The following TACC1 variants were observed in gnomAD, a reference collection of about 807,000 sequenced individuals.
The protein encoded by TACC1 is transforming acidic coiled-coil containing protein 1, also known as transforming acidic coiled-coil-containing protein 1.
TACC1 carries 48 observed loss-of-function variants against 84.4 expected under a neutral mutation model. The ratio of observed to expected loss-of-function variants is 0.57; its 90% confidence interval spans 0.45 to 0.72. The LOEUF is 0.72. TACC1 is among the 30% of genes least tolerant of loss of function. The probability of loss-of-function intolerance (pLI) is 0.00; values close to 1 mark genes in which losing one functional copy is unlikely to be tolerated. For missense variants in TACC1, 920 were observed against 973.0 expected, an observed-to-expected ratio of 0.95 and a Z score of 0.72; for synonymous variants, 372 against 376.3, an observed-to-expected ratio of 0.99 and a Z score of 0.13.
chr8:38,736,453 A>G (rs532101652), intron 1 of TACC1, among the ~76,000 whole-genome samples: 1 of 147,796 alleles, frequency 6.8e-6, no homozygotes, highest in African/African-American at 2.7e-5. Flanking sequence ...CTGTCTCTAC[A>G]AAAAATAAAA....
intron 3 of TACC1, among the ~76,000 whole-genome samples, chr8:38,762,553 T>A (rs1369795866): frequency 1.3e-5 from 2 of 148,632 alleles, no homozygotes; most frequent in Non-Finnish European, 3.0e-5. Context: ...ACCTTTTGGC[T>A]TTTTTTTTTG....
intron 1 of TACC1, among the ~76,000 whole-genome samples, chr8:38,735,656 A>G (rs764772327): frequency 3.9e-5 from 6 of 152,148 alleles, no homozygotes; most frequent in Non-Finnish European, 8.8e-5. Flanking sequence ...CAGTGACAGC[A>G]TCTCCTACAG....
rs1831255811 is a variant in TACC1 at position 38,841,449 on chromosome 8, G to A, written c.1961-838G>A. Among the ~76,000 whole-genome samples the A allele has an allele frequency of 2.0e-5, 3 of 152,206 alleles. 1 individual carries two copies. In the South Asian group the frequency reaches 6.2e-4, roughly 31 times the overall value. ...TTATAGAATGAATCAAGAAGGCAGA[G>A]TATTGCTTTGTTCACTGTCAGCTGA... On this transcript the variant is annotated intron_variant, in intron 9 of 12. Transcript: ENST00000317827.
intron 3 of TACC1, among the ~76,000 whole-genome samples, chr8:38,757,618 C>A (rs1376496941): frequency 6.6e-6 from 1 of 151,946 alleles, no homozygotes; most frequent in African/African-American, 2.4e-5. Context: ...AGGACCCCAC[C>A]GCGACCGGAT....
chr8:38,818,728 T>A (rs1357689766), intron 2 of TACC1, among the ~76,000 whole-genome samples: 4 of 152,172 alleles, frequency 2.6e-5, no homozygotes, highest in Admixed American at 1.3e-4. Context: ...GTAGATTTTT[T>A]AAATTTATTT....
At chr8:38,767,787 G>A (rs1028294900) in intron 3 of TACC1, among the ~76,000 whole-genome samples, 10 of 152,236 alleles carry the variant, frequency 6.6e-5, no homozygotes, top group Admixed American at 2.0e-4. Flanking sequence ...ATTAGGGGCC[G>A]GGCACAGTGG....
At chr8:38,824,143 A>T in intron 3 of TACC1, 1 of 813,248 alleles carries the variant, frequency 1.2e-6, no homozygotes. Flanking sequence ...TCTTCTGATG[A>T]TTTTTTTGCA....
intron 6 of TACC1, among the ~76,000 whole-genome samples, chr8:38,833,684 CAAAT>C (rs1483770453): frequency 1.6e-4 from 25 of 152,190 alleles, no homozygotes; most frequent in Admixed American, 1.6e-3. Flanking sequence ...ACCCTCTCAA[CAAAT>C]GAATGAGATG....
intron 1 of TACC1, among the ~76,000 whole-genome samples, chr8:38,736,787 AG>A (rs1402021702): frequency 1.3e-5 from 2 of 152,194 alleles, no homozygotes; most frequent in Non-Finnish European, 2.9e-5. Flanking sequence ...TGACAAAAGT[AG>A]TGACCAGTCT....
At chr8:38,831,595 A>G (rs1438323467) in intron 6 of TACC1, among the ~76,000 whole-genome samples, 1 of 152,140 alleles carries the variant, frequency 6.6e-6, no homozygotes, top group Non-Finnish European at 1.5e-5. Flanking sequence ...TCCTGGGCTC[A>G]AGTGATCCTT....
At chr8:38,797,513 C>T (rs941774633) in intron 2 of TACC1, among the ~76,000 whole-genome samples, 4 of 152,174 alleles carry the variant, frequency 2.6e-5, no homozygotes, top group Admixed American at 6.5e-5. Flanking sequence ...ATTATATAGC[C>T]GCCTATTGGC....
At chr8:38,825,176 G>A (rs139341789) in intron 3 of TACC1, 132 bp from the exon 4 acceptor site, 12 of 901,308 alleles carry the variant, frequency 1.3e-5, no homozygotes, top group East Asian at 4.9e-5. Context: ...TCTCTCCTGC[G>A]GCGATGTATG....
chr8:38,839,638 G>A (rs1830842635), intron 8 of TACC1: 1 of 242,974 alleles, frequency 4.1e-6, no homozygotes, highest in South Asian at 1.8e-4. Context: ...GGGAGGACGT[G>A]ATGCGACTCA....
Position 38,846,122 on chromosome 8 carries a change from TAAAA to T in TACC1, c.2229-569_2229-566del, listed in dbSNP as rs1202936489. 4 of 142,808 alleles carry T rather than the reference TAAAA, an allele frequency of 2.8e-5. No homozygotes were observed. In the East Asian group the frequency reaches 8.1e-4, roughly 29 times the overall value. The allele number at this position is 142,808 out of a possible 1,614,324, so 8.8% of individuals were successfully genotyped here. On this transcript the variant is annotated intron_variant, in intron 11 of 12. Coordinates refer to ENST00000317827, the MANE Select transcript of TACC1 (RefSeq NM_006283.3). ...GGTGAAACCCCGTCTCTACTAAAAATAAAAAAAAAAATTAGCCGGGCGTGGTGGC... is the reference window on the plus strand; with the variant it reads ...GGTGAAACCCCGTCTCTACTAAAAATAAAAAAATTAGCCGGGCGTGGTGGC...
upstream of TACC1, chr8:38,787,186 G>A: frequency 6.1e-6 from 6 of 986,508 alleles, no homozygotes; most frequent in Non-Finnish European, 6.0e-6. Flanking sequence ...GCGGCTTCTG[G>A]GGCGCGGCTC....
chr8:38,851,913 A>C lies in TACC1; in HGVS notation c.*3890A>C. On this transcript the variant is annotated 3_prime_UTR_variant, in exon 13 of 13. Transcript: ENST00000317827. ...ACTTTAATAAAGAAGTATTTCGAGG[A>C]GATATCTGTCCAAAAAGGTTTGACT... 2.2e-6 allele frequency: 1 copy of C among 454,040 alleles called. No individual in the cohort carries two copies. The highest frequency in any genetic ancestry group is 4.4e-6 in the Non-Finnish European group (1 of 225,622). 28.1% of individuals were successfully genotyped at this position (454,040 alleles called of 1,614,324 possible).
intron 3 of TACC1, among the ~76,000 whole-genome samples, chr8:38,769,109 CTGTA>C (rs976595989): frequency 1.7e-5 from 2 of 119,392 alleles, no homozygotes; most frequent in Admixed American, 8.4e-5. Flanking sequence ...GTGTGAGAGA[CTGTA>C]TGGGTGGGGG....
upstream of TACC1, among the ~76,000 whole-genome samples, chr8:38,784,679 G>A (rs1816776527): frequency 6.6e-6 from 1 of 152,206 alleles, no homozygotes; most frequent in African/African-American, 2.4e-5. Context: ...TCCCCAGGGG[G>A]AGTCAGGCTT....
At chr8:38,742,313 T>TTC in intron 1 of TACC1, 1 of 915,284 alleles carries the variant, frequency 1.1e-6, no homozygotes, top group Non-Finnish European at 1.5e-6. Context: ...ACCTTATGAT[T>TTC]AAGCATGTGA....
Sources: gnomAD v4.1 joint callset for allele counts (sites outside exome capture counted in the v4.1 genomes callset) on GRCh38, gnomAD v4.1.1 for gene constraint, MANE v1.5 for transcripts, NCBI Gene and HGNC (gene_info 2026-07-23, HGNC 2026-07-21) for gene names.